ZBTB10: variants seen among roughly 807,000 people sequenced by gnomAD.
ZBTB10 encodes the protein zinc finger and BTB domain containing 10, also known as zinc finger and BTB domain-containing protein 10.
Under a neutral mutation model 76.4 loss-of-function variants are expected in ZBTB10, and 32 were observed. That is an observed-to-expected ratio of 0.42 (90% CI 0.32 to 0.56). ZBTB10 has a LOEUF of 0.56. ZBTB10 is among the 20% of genes least tolerant of loss of function. The pLI is 0.14. For synonymous variants in ZBTB10, 523 were observed against 432.9 expected, an observed-to-expected ratio of 1.21 and a Z score of -2.58; for missense variants, 1,057 against 1,098.5, an observed-to-expected ratio of 0.96 and a Z score of 0.53.
chr8:80,503,211 T>G, intron 2 of ZBTB10, among the ~76,000 whole-genome samples: 1 of 152,218 alleles, frequency 6.6e-6, no homozygotes, highest in Admixed American at 6.5e-5. Flanking sequence ...TATAGAATTA[T>G]TATGAAAATG....
chr8:80,521,464 A>G lies in ZBTB10; in HGVS notation c.*1936A>G, dbSNP rs993829109. The G allele has an allele frequency of 1.3e-4, 19 of 151,728 alleles. No individual in the cohort carries two copies. Among genetic ancestry groups the G allele is most frequent in the Admixed American group, 3.9e-4 (6 of 15,202 alleles). The allele number at this position is 151,728 out of a possible 1,614,324, so 9.4% of individuals were successfully genotyped here. A position where few individuals can be genotyped will look rare whatever the true frequency, so the allele number is the denominator to read the frequency against. On this transcript the variant is annotated 3_prime_UTR_variant, in exon 6 of 6. Coordinates refer to ENST00000455036, the MANE Select transcript of ZBTB10 (RefSeq NM_001105539.3). ...ATAGTATAAAGATTTCTTTCATCCCATTTATCCCCTTCCTTTAAATAAACT... is the reference window on the plus strand; with the variant it reads ...ATAGTATAAAGATTTCTTTCATCCCGTTTATCCCCTTCCTTTAAATAAACT...
intron 2 of ZBTB10, among the ~76,000 whole-genome samples, chr8:80,508,912 C>T (rs1816124069): frequency 1.3e-5 from 2 of 151,878 alleles, no homozygotes; most frequent in South Asian, 4.2e-4. Flanking sequence ...GCATTTAAGA[C>T]TAAAAAGTTT....
At chr8:80,498,244 C>T (rs1815836755) in intron 1 of ZBTB10, among the ~76,000 whole-genome samples, 1 of 152,208 alleles carries the variant, frequency 6.6e-6, no homozygotes, top group African/African-American at 2.4e-5. Flanking sequence ...CTCTTCTAAG[C>T]ATGTCAGTAC....
Position 80,525,803 on chromosome 8 carries a change from CTAAG to C in ZBTB10, c.*6277_*6280del, listed in dbSNP as rs1359096111. On this transcript the variant is annotated 3_prime_UTR_variant, in exon 6 of 6. Transcript: ENST00000455036. ...ATAGCTTGTTGATCAAAAGTATTTA[CTAAG>C]TGAGTGACAAAAGGCACTAGCAACT... 2 of 152,148 alleles carry C rather than the reference CTAAG, an allele frequency of 1.3e-5. No homozygotes were observed. The highest frequency in any genetic ancestry group is 4.8e-5 in the African/African-American group (2 of 41,446). 9.4% of individuals were successfully genotyped at this position (152,148 alleles called of 1,614,324 possible). A position where few individuals can be genotyped will look rare whatever the true frequency, so the allele number is the denominator to read the frequency against.
At chr8:80,509,215 G>A (rs1161757950) in intron 2 of ZBTB10, among the ~76,000 whole-genome samples, 2 of 152,270 alleles carry the variant, frequency 1.3e-5, no homozygotes, top group African/African-American at 4.8e-5. Flanking sequence ...GGGGGGAAAA[G>A]CACCAAACAC....
chr8:80,516,995 G>A (rs1307336021), intron 3 of ZBTB10, among the ~76,000 whole-genome samples: 3 of 152,124 alleles, frequency 2.0e-5, no homozygotes, highest in African/African-American at 7.2e-5. Context: ...TGAATTGGGA[G>A]CATGCTTATT....
intron 2 of ZBTB10, among the ~76,000 whole-genome samples, chr8:80,505,855 G>T (rs572204139): frequency 6.6e-6 from 1 of 150,644 alleles, no homozygotes; most frequent in African/African-American, 2.4e-5. Context: ...TCACTCTCCC[G>T]CAATCAGCCA....
At position 80,523,438 on chromosome 8, in the gene ZBTB10, G is replaced by A. The variant is rs1816488956; in HGVS notation, c.*3910G>A. The A allele has an allele frequency of 6.6e-6, 1 of 151,836 alleles. No individual in the cohort carries two copies. The highest frequency in any genetic ancestry group is 2.1e-4 in the South Asian group (1 of 4,820). The allele number at this position is 151,836 out of a possible 1,614,324, so 9.4% of individuals were successfully genotyped here. A position where few individuals can be genotyped will look rare whatever the true frequency, so the allele number is the denominator to read the frequency against. On this transcript the variant is annotated 3_prime_UTR_variant, in exon 6 of 6. Transcript: ENST00000455036. The stretch of plus-strand genomic sequence containing the variant: ...ATTAAGACACATCAGTGTAGCACAT[G>A]CTCTTAACTGGCTGTGGCATTTTAA...
rs1585830846 is a variant in ZBTB10 at position 80,486,417 on chromosome 8, C to T, written c.-394C>T. On this transcript the variant is annotated 5_prime_UTR_variant, in exon 1 of 6. Transcript: ENST00000455036. ...TCTGTGTGGAGGATCGGTGTGTGCG[C>T]GCGCGGCTTTAAAGAGGGGGCAGCG... is the stretch of plus-strand genomic sequence containing the variant. 1 of 984,536 alleles carries T rather than the reference C, an allele frequency of 1.0e-6. No homozygotes were observed. The highest frequency in any genetic ancestry group is 1.2e-6 in the Non-Finnish European group (1 of 829,920). The allele number at this position is 984,536 out of a possible 1,614,324, so 61.0% of individuals were successfully genotyped here.
chr8:80,513,528 G>A (rs1176911438), intron 2 of ZBTB10, among the ~76,000 whole-genome samples: 1 of 152,200 alleles, frequency 6.6e-6, no homozygotes, highest in African/African-American at 2.4e-5. Context: ...TTACTAGTTA[G>A]TACTAGCAGT....
chr8:80,518,464 A>G lies in ZBTB10; in HGVS notation c.2022A>G (p.Gly674=), dbSNP rs1304768991. The G allele has an allele frequency of 6.4e-7, 1 of 1,553,380 alleles. No homozygotes were observed. The highest frequency in any genetic ancestry group is 8.7e-7 in the Non-Finnish European group (1 of 1,147,892). The change falls in exon 4 of 6, where the codon GGA becomes GGG. Residue 674 remains glycine (G), a synonymous_variant. Coordinates refer to ENST00000455036, the MANE Select transcript of ZBTB10 (RefSeq NM_001105539.3). ...GTCCTTCAAATGATTTCAAGTATGG[A>G]TTGATACCAGGTACTTCAAATGATT... The part of the protein sequence containing the change: ...MPGPSNDFKY[G]LIPGTSNDFK...
chr8:80,499,078 A>G (rs144113454), intron 1 of ZBTB10, among the ~76,000 whole-genome samples: 2 of 152,352 alleles, frequency 1.3e-5, no homozygotes, highest in East Asian at 1.9e-4. Flanking sequence ...AGCATAAAAT[A>G]TAACTTGGAT....
At chr8:80,498,871 G>A (rs1296387607) in intron 1 of ZBTB10, among the ~76,000 whole-genome samples, 1 of 152,150 alleles carries the variant, frequency 6.6e-6, no homozygotes, top group Non-Finnish European at 1.5e-5. Flanking sequence ...TGACCCTAAA[G>A]AGATAAAGCG....
rs1816144945 is a variant in ZBTB10 at position 80,509,790 on chromosome 8, T to TC, written c.1862-4120_1862-4119insC. On this transcript the variant is annotated intron_variant, in intron 2 of 5. Transcript: ENST00000455036. Reference sequence around the variant, plus strand: ...CAAAAATCTATGGTAATATTTTCATTTTTTTTTAGGAGATAGGGTCTTGGT... The same window carrying TC: ...CAAAAATCTATGGTAATATTTTCATTCTTTTTTTAGGAGATAGGGTCTTGGT... Among the ~76,000 whole-genome samples the TC allele has an allele frequency of 1.3e-5, 2 of 151,822 alleles. 1 individual carries two copies. The highest frequency in any genetic ancestry group is 4.2e-4 in the South Asian group (2 of 4,808).
intron 3 of ZBTB10, among the ~76,000 whole-genome samples, chr8:80,515,039 A>G (rs1253643551): frequency 3.9e-5 from 6 of 152,220 alleles, no homozygotes; most frequent in African/African-American, 1.2e-4. Context: ...AGATCATGGG[A>G]ACAAAAAATG....
intron 3 of ZBTB10, 69 bp downstream of exon 3, chr8:80,514,077 A>G (rs1816267083): frequency 4.3e-6 from 6 of 1,398,990 alleles, no homozygotes; most frequent in Non-Finnish European, 6.0e-6. Flanking sequence ...CCTGCAGCCT[A>G]GTGTAATTTC....
chr8:80,500,980 C>T (rs2131492191), intron 2 of ZBTB10, among the ~76,000 whole-genome samples: 1 of 152,306 alleles, frequency 6.6e-6, no homozygotes, highest in African/African-American at 2.4e-5. Flanking sequence ...GATTCTCCTG[C>T]CTCAGCCTCC....
intron 2 of ZBTB10, among the ~76,000 whole-genome samples, chr8:80,503,486 A>G (rs1302816575): frequency 6.6e-6 from 1 of 151,812 alleles, no homozygotes; most frequent in Non-Finnish European, 1.5e-5. Context: ...GTCGTTGGGA[A>G]TAGTGTAATT....
At chr8:80,516,106 T>A (rs1203856326) in intron 3 of ZBTB10, among the ~76,000 whole-genome samples, 1 of 152,224 alleles carries the variant, frequency 6.6e-6, no homozygotes, top group East Asian at 1.9e-4. Flanking sequence ...CCTTTTTCTT[T>A]TGAGATGGGG....
Sources: allele counts gnomAD v4.1 joint callset (sites outside exome capture counted in the v4.1 genomes callset), GRCh38; gene constraint gnomAD v4.1.1; transcripts MANE v1.5; gene names NCBI Gene and HGNC (gene_info 2026-07-23, HGNC 2026-07-21).